ASXL2: variants seen among roughly 807,000 people sequenced by gnomAD.
ASXL2 encodes putative Polycomb group protein ASXL2.
Under a neutral mutation model 122.0 loss-of-function variants are expected in ASXL2, and 23 were observed. That is an observed-to-expected ratio of 0.19 (90% CI 0.14 to 0.27). ASXL2 has a LOEUF of 0.27. ASXL2 is among the 10% of genes least tolerant of loss of function. ASXL2 has a pLI of 1.00. For missense variants in ASXL2, 1,518 were observed against 1,713.8 expected, an observed-to-expected ratio of 0.89 and a Z score of 2.02; for synonymous variants, 650 against 637.0, an observed-to-expected ratio of 1.02 and a Z score of -0.31.
intron 2 of ASXL2, among the ~76,000 whole-genome samples, 189 bp from the exon 3 acceptor site, chr2:25,835,729 T>C (rs2089502903): frequency 6.6e-6 from 1 of 152,184 alleles, no homozygotes; most frequent in South Asian, 2.1e-4. Flanking sequence ...AAAAATATCA[T>C]ATCAAAATGT....
intron 2 of ASXL2, among the ~76,000 whole-genome samples, chr2:25,843,726 C>A (rs2089615047): frequency 6.8e-6 from 1 of 147,846 alleles, no homozygotes; most frequent in Non-Finnish European, 1.5e-5. Flanking sequence ...CACTTAAGGC[C>A]AGGAGTTGAA....
chr2:25,780,460 C>T (rs1191315387), intron 5 of ASXL2, among the ~76,000 whole-genome samples: 3 of 152,106 alleles, frequency 2.0e-5, no homozygotes, highest in Non-Finnish European at 2.9e-5. Flanking sequence ...ATGACTACAT[C>T]TTAACCAGTG....
At position 25,742,034 on chromosome 2, in the gene ASXL2, G is replaced by C. The variant is rs561088610; in HGVS notation, c.4303C>G (p.Arg1435Gly). ...SKLCVSCLVV[R>G] ...TGTATCTCTTTCTAGTCTCATTACC[G>C]AACGACAAGGCAGGAGACGCACAGT... is the stretch of plus-strand genomic sequence containing the variant. Residue 1435 changes from arginine to glycine, a missense_variant, in exon 13 of 13, where the codon CGG becomes GGG. Transcript: ENST00000435504. 4.3e-6 allele frequency: 7 copies of C among 1,610,642 alleles called. No individual in the cohort carries two copies. Among genetic ancestry groups the C allele is most frequent in the South Asian group, 1.1e-5 (1 of 90,720 alleles).
At position 25,737,075 on chromosome 2, in the gene ASXL2, G is replaced by T. The variant is rs965355830; in HGVS notation, c.*4954C>A. Reference sequence around the variant, plus strand: ...TGACCCAGAGGAGTTCAAAATTCAAGTGTCAAATGCTGAAATAGAACCTAA... The same window carrying T: ...TGACCCAGAGGAGTTCAAAATTCAATTGTCAAATGCTGAAATAGAACCTAA... On this transcript the variant is annotated 3_prime_UTR_variant, in exon 13 of 13. Transcript: ENST00000435504. 1 of 151,976 alleles carries T rather than the reference G, an allele frequency of 6.6e-6. No individual in the cohort carries two copies. The highest frequency in any genetic ancestry group is 1.5e-5 in the Non-Finnish European group (1 of 68,006). 9.4% of individuals were successfully genotyped at this position (151,976 alleles called of 1,614,324 possible).
intron 1 of ASXL2, among the ~76,000 whole-genome samples, chr2:25,854,403 GA>G (rs1308723810): frequency 6.6e-6 from 1 of 152,016 alleles, no homozygotes; most frequent in Non-Finnish European, 1.5e-5. Context: ...TTTCAGATGT[GA>G]AAACTGAAGT....
At position 25,744,394 on chromosome 2, in the gene ASXL2, C is replaced by A; in HGVS notation, c.1943G>T (p.Ser648Ile). The A allele has an allele frequency of 6.2e-7, 1 of 1,613,910 alleles. No individual in the cohort carries two copies. Among genetic ancestry groups the A allele is most frequent in the South Asian group, 1.1e-5 (1 of 91,086 alleles). ...PRARFPVSIT[S>I]PNRTGARTLA... ...AGTTCTGGCTCCTGTTCTGTTAGGA[C>A]TAGTGATGGAGACTGGAAAACGAGC... Residue 648 changes from serine (S) to isoleucine (I), a missense_variant, in exon 13 of 13, where the codon AGT becomes ATT. Physicochemically the swap from Ser to Ile is moderately radical, Grantham distance 142. Transcript: ENST00000435504. The surrounding 1 kb of genome is among the most constrained non-coding windows in gnomAD (Gnocchi z 4.7).
Position 25,744,279 on chromosome 2 carries a change from A to G in ASXL2, c.2058T>C (p.Val686=), listed in dbSNP as rs2087901707. Residue 686 remains valine, a synonymous_variant, in exon 13 of 13, where the codon GTT becomes GTC. Transcript: ENST00000435504. The surrounding 1 kb of genome is among the most constrained non-coding windows in gnomAD (Gnocchi z 4.7). ...AAAAAAAAAS[V]GGTIPGPGPG... is the part of the protein sequence containing the mutation. ...GGCCAGGTCCTGGAATGGTCCCTCC[A>G]ACTGAGGCGGCTGCAGCAGCTGCGG... The G allele has an allele frequency of 1.9e-6, 3 of 1,612,868 alleles. No homozygotes were observed. The highest frequency in any genetic ancestry group is 2.7e-5 in the African/African-American group (2 of 74,872).
At chr2:25,804,708 A>G (rs1317576205) in intron 4 of ASXL2, among the ~76,000 whole-genome samples, 1 of 152,198 alleles carries the variant, frequency 6.6e-6, no homozygotes, top group African/African-American at 2.4e-5. Context: ...CGTAAGTGAA[A>G]AGTTATTGAT....
chr2:25,797,549 C>T (rs1314698676), intron 5 of ASXL2, among the ~76,000 whole-genome samples: 1 of 152,176 alleles, frequency 6.6e-6, no homozygotes, highest in African/African-American at 2.4e-5. Context: ...AATAAGAAAA[C>T]ACACAACCTG....
intron 3 of ASXL2, among the ~76,000 whole-genome samples, chr2:25,834,295 G>A (rs1228617691): frequency 1.3e-5 from 2 of 152,262 alleles, no homozygotes; most frequent in East Asian, 1.9e-4. Context: ...AGAGGTTGCA[G>A]TGAGCCGAGA....
intron 1 of ASXL2, among the ~76,000 whole-genome samples, chr2:25,865,144 A>G (rs1473764265): frequency 6.6e-6 from 1 of 151,270 alleles, no homozygotes; most frequent in African/African-American, 2.4e-5. Flanking sequence ...TTTAAATCCA[A>G]TTTAGGCCAG....
chr2:25,816,724 G>A (rs768955730), intron 3 of ASXL2, among the ~76,000 whole-genome samples: 1 of 152,166 alleles, frequency 6.6e-6, no homozygotes, highest in Non-Finnish European at 1.5e-5. Flanking sequence ...GGAAACATTT[G>A]CTTTCTTAGC....
At position 25,761,441 on chromosome 2, in the gene ASXL2, G is replaced by A. The variant is rs540013815; in HGVS notation, c.776-1796C>T. 7.2e-5 allele frequency among the ~76,000 whole-genome samples: 11 copies of A among 152,226 alleles called. No individual in the cohort carries two copies. The South Asian group carries it at 1.0e-3, about 14-fold the overall frequency. On this transcript the variant is annotated intron_variant, in intron 8 of 12. Coordinates refer to ENST00000435504, the MANE Select transcript of ASXL2 (RefSeq NM_018263.6). ...TGTAATCGCAGCACTCTGGGAGGCC[G>A]AGGCAGGCAGATCACAAGGTCAGGA...
intron 3 of ASXL2, chr2:25,823,089 G>A (rs2089331246): frequency 4.9e-6 from 2 of 406,280 alleles, no homozygotes; most frequent in Non-Finnish European, 9.8e-6. Context: ...CAGCCTGCTT[G>A]TTTTTTTAAA....
At chr2:25,836,618 C>A (rs1345109747) in intron 2 of ASXL2, among the ~76,000 whole-genome samples, 1 of 152,154 alleles carries the variant, frequency 6.6e-6, no homozygotes. Context: ...TAGGACTCCC[C>A]CAGACAGAGG....
chr2:25,840,702 T>C (rs2089569618), intron 2 of ASXL2, among the ~76,000 whole-genome samples: 1 of 152,270 alleles, frequency 6.6e-6, no homozygotes, highest in Non-Finnish European at 1.5e-5. Flanking sequence ...CAGAATTTTA[T>C]ATCTTCTTAA....
chr2:25,767,457 T>C (rs1442242178), intron 8 of ASXL2, 126 bp downstream of exon 8: 22 of 986,466 alleles, frequency 2.2e-5, no homozygotes, highest in African/African-American at 3.3e-5. Context: ...AAAAAACTTA[T>C]GTCTAATCTT....
chr2:25,839,396 CTATAG>C (rs1276986860), intron 2 of ASXL2, among the ~76,000 whole-genome samples: 6 of 152,130 alleles, frequency 3.9e-5, no homozygotes, highest in African/African-American at 1.4e-4. Context: ...CAGCATTTAT[CTATAG>C]TATAACTTTT....
intron 1 of ASXL2, among the ~76,000 whole-genome samples, chr2:25,857,211 C>T (rs1303094385): frequency 6.6e-6 from 1 of 151,860 alleles, no homozygotes; most frequent in African/African-American, 2.4e-5. Flanking sequence ...CTGTATCCAA[C>T]CCCAAAAGAG....
Sources: allele counts gnomAD v4.1 joint callset (sites outside exome capture counted in the v4.1 genomes callset), GRCh38; gene constraint gnomAD v4.1.1; non-coding constraint Gnocchi (gnomAD v3.1); transcripts MANE v1.5; gene names NCBI Gene and HGNC (gene_info 2026-07-23, HGNC 2026-07-21).